The following COBL variants were observed in gnomAD, a reference collection of about 807,000 sequenced individuals.
COBL encodes the protein protein cordon-bleu.
Under a neutral mutation model 98.8 loss-of-function variants are expected in COBL, and 51 were observed. That is an observed-to-expected ratio of 0.52 (90% CI 0.41 to 0.65). COBL has a LOEUF of 0.65. COBL is among the 30% of genes least tolerant of loss of function. The pLI, the probability that COBL is intolerant of heterozygous loss-of-function variation, is 0.00. For missense variants in COBL, 1,617 were observed against 1,617.5 expected (o/e 1.00, Z 0.01); for synonymous variants, 634 against 651.7 (o/e 0.97, Z 0.41).
intron 2 of COBL, among the ~76,000 whole-genome samples, chr7:51,207,441 C>G (rs1055821446): frequency 6.6e-6 from 1 of 152,172 alleles, no homozygotes; most frequent in Admixed American, 6.5e-5. Flanking sequence ...CCCATGGTCT[C>G]CCTCTCCCTC....
rs750222809 is a variant in COBL, at chr7:51,193,392, G to A, written c.443C>T (p.Pro148Leu). The A allele has an allele frequency of 3.0e-5, 49 of 1,614,120 alleles. No individual in the cohort carries two copies. The East Asian group carries it at 1.1e-3, about 35-fold the overall frequency. Residue 148 changes from proline to leucine, a missense_variant, in exon 3 of 13, where the codon CCT (proline) becomes CTT (leucine). This residue lies in a region of COBL where 238 missense variants were observed against 215.0 expected (regional missense o/e 1.11). Coordinates refer to ENST00000265136, the MANE Select transcript of COBL (RefSeq NM_015198.5). ...VPEEKVKPGP[P>L]KVPEKSVRLV... ...GTACCTACTAACCTCAGGCACCTTA[G>A]GGGGACCAGGCTTAACCTTCTCTTC...
At chr7:51,199,923 C>G (rs1241690437) in intron 2 of COBL, among the ~76,000 whole-genome samples, 1 of 152,082 alleles carries the variant, frequency 6.6e-6, no homozygotes, top group Non-Finnish European at 1.5e-5. Context: ...CTAAGATCTT[C>G]AAATATATTA....
chr7:51,050,280 CA>C (rs1203325806), intron 7 of COBL, among the ~76,000 whole-genome samples: 6 of 152,196 alleles, frequency 3.9e-5, no homozygotes, highest in African/African-American at 1.4e-4. Context: ...CTACCTGAAC[CA>C]AACTCTAGTC....
At chr7:51,277,544 C>G (rs1346303798) in intron 1 of COBL, among the ~76,000 whole-genome samples, 1 of 152,184 alleles carries the variant, frequency 6.6e-6, no homozygotes, top group Non-Finnish European at 1.5e-5. Flanking sequence ...TCACACGCAG[C>G]AAGAGTCGGT....
At chr7:51,144,473 A>G (rs1389454093) in intron 5 of COBL, among the ~76,000 whole-genome samples, 4 of 152,326 alleles carry the variant, frequency 2.6e-5, no homozygotes, top group Non-Finnish European at 4.4e-5. Flanking sequence ...ATCCAAGCAT[A>G]TCCGAAACCC....
chr7:51,311,847 G>A (rs1255659038), intron 1 of COBL, among the ~76,000 whole-genome samples: 1 of 151,660 alleles, frequency 6.6e-6, no homozygotes, highest in Non-Finnish European at 1.5e-5. Context: ...TAAAGAAAAA[G>A]TACAAAGATG....
At chr7:51,120,699 T>A (rs1797666207) in intron 6 of COBL, among the ~76,000 whole-genome samples, 1 of 152,140 alleles carries the variant, frequency 6.6e-6, no homozygotes, top group Non-Finnish European at 1.5e-5. Flanking sequence ...ATCTGACTAC[T>A]GTAAGTGCCT....
rs144314033 is a variant in COBL at position 51,029,293 on chromosome 7, G to A, written c.1803C>T (p.His601=). ...EKAREEVPAL[H]PASHDVGKGI... ...CTTTTCCGACGTCATGGGAAGCGGG[G>A]TGCAGGGCAGGTACTTCCTCCCTTG... The change falls in exon 10 of 13, where the codon CAC becomes CAT. Residue 601 remains histidine (H), a synonymous_variant. Coordinates refer to ENST00000265136, the MANE Select transcript of COBL (RefSeq NM_015198.5). 9.3e-5 allele frequency: 150 copies of A among 1,604,336 alleles called. No individual in the cohort carries two copies. The African/African-American group carries it at 1.5e-3, about 16-fold the overall frequency.
At chr7:51,136,061 C>T in intron 6 of COBL, 97 bp downstream of exon 6, 1 of 1,459,172 alleles carries the variant, frequency 6.9e-7, no homozygotes, top group Non-Finnish European at 9.2e-7. Context: ...GCTACAGCCA[C>T]AAACATGAAG....
chr7:51,094,197 T>C (rs1795075851), intron 6 of COBL, among the ~76,000 whole-genome samples: 1 of 151,530 alleles, frequency 6.6e-6, no homozygotes, highest in South Asian at 2.1e-4. Context: ...AGAAACATAA[T>C]AGAAAGGTGG....
chr7:51,298,832 T>C (rs1176689080), intron 1 of COBL, among the ~76,000 whole-genome samples: 1 of 152,190 alleles, frequency 6.6e-6, no homozygotes, highest in African/African-American at 2.4e-5. Flanking sequence ...TAAACAAGCC[T>C]ACAGTGCCTT....
chr7:51,143,133 G>A (rs1192587069), intron 5 of COBL, among the ~76,000 whole-genome samples: 1 of 152,146 alleles, frequency 6.6e-6, no homozygotes, highest in Non-Finnish European at 1.5e-5. Flanking sequence ...TAAAAAGCAA[G>A]GAGTGGGGGC....
At chr7:51,057,794 C>A (rs1790913450) in intron 7 of COBL, among the ~76,000 whole-genome samples, 2 of 152,134 alleles carry the variant, frequency 1.3e-5, no homozygotes, top group Non-Finnish European at 2.9e-5. Flanking sequence ...GGGGCTCCAG[C>A]CTTAGGGTTT....
intron 1 of COBL, among the ~76,000 whole-genome samples, chr7:51,262,195 C>A (rs1797782775): frequency 6.6e-6 from 1 of 152,062 alleles, no homozygotes; most frequent in African/African-American, 2.4e-5. Flanking sequence ...AGTGGCCCAG[C>A]CCCAGGAGGC....
chr7:51,284,167 G>A (rs1800081956), intron 1 of COBL, among the ~76,000 whole-genome samples: 1 of 150,340 alleles, frequency 6.7e-6, no homozygotes, highest in African/African-American at 2.4e-5. Context: ...TAGGCATGGT[G>A]GCGGGTGCCT....
At chr7:51,060,851 G>A (rs1219979173) in intron 7 of COBL, among the ~76,000 whole-genome samples, 1 of 152,162 alleles carries the variant, frequency 6.6e-6, no homozygotes, top group Non-Finnish European at 1.5e-5. Context: ...GGCGAAGAAG[G>A]GGTTTATGGT....
At chr7:51,204,143 T>C (rs896568320) in intron 2 of COBL, among the ~76,000 whole-genome samples, 3 of 152,160 alleles carry the variant, frequency 2.0e-5, no homozygotes, top group Non-Finnish European at 4.4e-5. Context: ...TCTCAATGGA[T>C]ACAGAAAAAG....
At chr7:51,020,188 T>G (rs187879654) in intron 12 of COBL, among the ~76,000 whole-genome samples, 7 of 152,184 alleles carry the variant, frequency 4.6e-5, no homozygotes, top group African/African-American at 1.7e-4. Flanking sequence ...AGAAGTCACT[T>G]ATGATGTCTG....
rs139141850 is a variant in COBL at position 51,299,763 on chromosome 7, C to A, written c.41+16830G>T. Among the ~76,000 whole-genome samples the A allele has an allele frequency of 4.7e-3, 715 of 152,264 alleles. 5 individuals are homozygous for A. The highest frequency in any genetic ancestry group is 7.5e-3 in the Admixed American group (115 of 15,302). On this transcript the variant is annotated intron_variant, in intron 1 of 12. Coordinates refer to ENST00000265136, the MANE Select transcript of COBL (RefSeq NM_015198.5). ...CTTCAAGAAAGTGACAGTAACAGCA[C>A]CTATGTACAGGTCTACTAGGGGGAT...
Sources: gnomAD v4.1 joint callset for allele counts (sites outside exome capture counted in the v4.1 genomes callset) on GRCh38, gnomAD v4.1.1 for gene constraint, gnomAD v4.1.1 regional missense constraint, MANE v1.5 for transcripts, NCBI Gene and HGNC (gene_info 2026-07-23, HGNC 2026-07-21) for gene names.